NEBL: variants seen among roughly 807,000 people sequenced by gnomAD.
NEBL encodes the protein LIM and SH3 protein 2.
In NEBL, 122 loss-of-function variants were observed where a neutral mutation model predicts 140.2. That is an observed-to-expected ratio of 0.87 (90% CI 0.75 to 1.01). The LOEUF (loss-of-function observed/expected upper bound fraction) is 1.01, where lower values mean the gene tolerates loss of function less well. Among genes scored for constraint, NEBL ranks in the 50% least tolerant of loss-of-function variants. The probability of loss-of-function intolerance (pLI) is 0.00; values close to 1 mark genes in which losing one functional copy is unlikely to be tolerated. For synonymous variants in NEBL, 436 were observed against 398.9 expected (o/e 1.09, Z -1.11); for missense variants, 1,365 against 1,231.3 (o/e 1.11, Z -1.62).
intron 1 of NEBL, among the ~76,000 whole-genome samples, chr10:21,286,813 T>G (rs1843062163): frequency 6.6e-6 from 1 of 150,794 alleles, no homozygotes; most frequent in African/African-American, 2.4e-5. Flanking sequence ...CGCTCCAGCC[T>G]GGGTGAAAGA....
intron 13 of NEBL, among the ~76,000 whole-genome samples, chr10:20,840,331 G>T (rs952209709): frequency 1.3e-4 from 20 of 152,050 alleles, no homozygotes; most frequent in Non-Finnish European, 1.9e-4. Context: ...TGATAAAGAG[G>T]CTGAATAAGG....
At chr10:21,050,597 T>A (rs1834730989) in intron 2 of NEBL, among the ~76,000 whole-genome samples, 3 of 152,228 alleles carry the variant, frequency 2.0e-5, no homozygotes, top group African/African-American at 4.8e-5. Context: ...ATAAAGAAAG[T>A]GAGGAACGGG....
intron 2 of NEBL, among the ~76,000 whole-genome samples, chr10:21,092,507 T>C (rs1284112674): frequency 6.6e-6 from 1 of 151,810 alleles, no homozygotes; most frequent in Non-Finnish European, 1.5e-5. Context: ...CCCTTGTCAA[T>C]CTATTCTGGC....
chr10:20,850,927 T>C (rs1842444137), intron 10 of NEBL, among the ~76,000 whole-genome samples: 1 of 152,200 alleles, frequency 6.6e-6, no homozygotes, highest in Admixed American at 6.5e-5. Flanking sequence ...GGTATGATTC[T>C]CTATTTTTTC....
At chr10:21,050,465 A>G (rs552734258) in intron 2 of NEBL, among the ~76,000 whole-genome samples, 58 of 152,212 alleles carry the variant, frequency 3.8e-4, no homozygotes, top group Non-Finnish European at 7.5e-4. Flanking sequence ...TTGCCTCTAA[A>G]TGGCCTTCCC....
At chr10:21,065,685 A>T (rs1401508438) in intron 2 of NEBL, among the ~76,000 whole-genome samples, 1 of 152,222 alleles carries the variant, frequency 6.6e-6, no homozygotes, top group Non-Finnish European at 1.5e-5. Flanking sequence ...GCTATGTATG[A>T]GGATTGCCCC....
intron 3 of NEBL, among the ~76,000 whole-genome samples, chr10:21,231,740 G>C (rs1251399149): frequency 6.6e-6 from 1 of 152,118 alleles, no homozygotes; most frequent in South Asian, 2.1e-4. Flanking sequence ...AATTTGCCAA[G>C]TTCAAAGAAT....
intron 2 of NEBL, among the ~76,000 whole-genome samples, chr10:21,149,769 C>G (rs971889274): frequency 6.6e-6 from 1 of 152,136 alleles, no homozygotes; most frequent in Non-Finnish European, 1.5e-5. Context: ...AAGTGGGTGA[C>G]GGGGGCGGTC....
chr10:21,042,825 T>A (rs554766544), intron 2 of NEBL, among the ~76,000 whole-genome samples: 1 of 152,372 alleles, frequency 6.6e-6, no homozygotes, highest in African/African-American at 2.4e-5. Flanking sequence ...GAAGTACACA[T>A]TCATTTTGAT....
At chr10:20,826,882 A>G (rs1380768253) in intron 17 of NEBL, among the ~76,000 whole-genome samples, 1 of 152,234 alleles carries the variant, frequency 6.6e-6, no homozygotes, top group Non-Finnish European at 1.5e-5. Context: ...AAAAGCAGAT[A>G]TTACAAAAGC....
intron 1 of NEBL, among the ~76,000 whole-genome samples, chr10:21,280,744 A>T (rs1026002703): frequency 2.7e-5 from 4 of 147,930 alleles, no homozygotes; most frequent in Non-Finnish European, 5.9e-5. Flanking sequence ...CCTCCCGAGT[A>T]GGTGGGATTA....
At chr10:21,043,392 G>C (rs1322490534) in intron 2 of NEBL, among the ~76,000 whole-genome samples, 1 of 152,204 alleles carries the variant, frequency 6.6e-6, no homozygotes, top group Non-Finnish European at 1.5e-5. Flanking sequence ...AGATCTTCGA[G>C]TGTGCTTTCT....
intron 2 of NEBL, among the ~76,000 whole-genome samples, chr10:21,051,685 G>A (rs1337918082): frequency 1.4e-5 from 2 of 148,102 alleles, no homozygotes; most frequent in Non-Finnish European, 2.9e-5. Flanking sequence ...AGTATAAATG[G>A]ATTAAATTCC....
At chr10:21,126,778 C>T (rs1838855602) in intron 2 of NEBL, among the ~76,000 whole-genome samples, 1 of 151,700 alleles carries the variant, frequency 6.6e-6, no homozygotes, top group South Asian at 2.1e-4. Flanking sequence ...TTTGAGACCA[C>T]CCTGACCAAC....
intron 3 of NEBL, among the ~76,000 whole-genome samples, chr10:21,229,308 C>T (rs1842212596): frequency 6.6e-6 from 1 of 152,070 alleles, no homozygotes; most frequent in African/African-American, 2.4e-5. Flanking sequence ...GTGGTCCCAG[C>T]TACCTGGGAA....
intron 4 of NEBL, among the ~76,000 whole-genome samples, chr10:20,928,711 T>C (rs902596566): frequency 1.3e-5 from 2 of 152,200 alleles, no homozygotes; most frequent in Non-Finnish European, 2.9e-5. Context: ...TATCCCCTTC[T>C]TTCCACCCTT....
intron 2 of NEBL, among the ~76,000 whole-genome samples, chr10:21,156,373 A>T (rs1363584691): frequency 6.6e-6 from 1 of 152,260 alleles, no homozygotes. Context: ...TCTGATTATG[A>T]GGAGGAAAAG....
At position 20,880,799 on chromosome 10, in the gene NEBL, T is replaced by G; in HGVS notation, c.475A>C (p.Ser159Arg). Residue 159 changes from serine to arginine, a missense_variant, in exon 5 of 28, where the codon AGT becomes CGT. By Grantham distance (110) the Ser-to-Arg change is moderately radical (BLOSUM62 -1). Around this residue, in one of 2 missense-constraint regions of NEBL, gnomAD observed 1,323 missense variants for 1,154.8 expected, o/e 1.15. Coordinates refer to ENST00000377122, the MANE Select transcript of NEBL (RefSeq NM_006393.3). ...KHAMEVNKHQ[S>R]NISYRKDVQD... is the part of the protein sequence containing the mutation. ...TGAGAAATGCGCTTCCTTACATTAC[T>G]CTGGTGTTTATTGACCTCCATGGCA... 6.2e-7 allele frequency: 1 copy of G among 1,607,374 alleles called. No homozygotes were observed. The highest frequency in any genetic ancestry group is 1.1e-5 in the South Asian group (1 of 90,940).
intron 19 of NEBL, among the ~76,000 whole-genome samples, chr10:20,819,837 G>T (rs913485241): frequency 1.3e-5 from 2 of 151,906 alleles, no homozygotes; most frequent in Admixed American, 1.3e-4. Context: ...CGATCCTCCC[G>T]ACTCGGCCTC....
Sources: allele counts gnomAD v4.1 joint callset (sites outside exome capture counted in the v4.1 genomes callset), GRCh38; gene constraint gnomAD v4.1.1; regional missense constraint gnomAD v4.1.1; transcripts MANE v1.5; gene names NCBI Gene and HGNC (gene_info 2026-07-23, HGNC 2026-07-21).